Variants in ERVK3-1 observed in about 807,000 individuals in gnomAD.
ERVK3-1 encodes the protein endogenous retrovirus group K3 member 1, also known as HERV-K(HML6-1).
chr19:58,309,827 C>T (rs2051545573), intron 2 of ERVK3-1: 1 of 152,200 alleles, frequency 6.6e-6, no homozygotes, highest in Non-Finnish European at 1.5e-5. Context: ...AAAATGCTTA[C>T]AGGATATGAT....
chr19:58,308,230 A>G (rs1015519706), intron 2 of ERVK3-1, among the ~76,000 whole-genome samples: 11 of 152,240 alleles, frequency 7.2e-5, no homozygotes, highest in Non-Finnish European at 1.5e-4. Context: ...TACCTATCCC[A>G]ACCCATAGCT....
rs929100294 is a variant in ERVK3-1, at chr19:58,310,239, A to T, written c.-3-1927A>T. The T allele has an allele frequency of 2.6e-5, 4 of 152,316 alleles. No individual in the cohort carries two copies. The highest frequency in any genetic ancestry group is 2.9e-5 in the Non-Finnish European group (2 of 68,134). 9.4% of individuals were successfully genotyped at this position (152,316 alleles called of 1,614,324 possible). On this transcript the variant is annotated intron_variant, in intron 2 of 3. Coordinates refer to ENST00000413518, the Ensembl canonical transcript of ERVK3-1. This position sits in a 1 kb window ranked among gnomAD's most constrained non-coding sequence, Gnocchi z 4.7. Reference sequence around the variant, plus strand: ...TCGTAAATGTAGCTAGTTGCATTAAAACTGCCACTATCAAGAGTGTACGGA... The same window carrying T: ...TCGTAAATGTAGCTAGTTGCATTAATACTGCCACTATCAAGAGTGTACGGA...
Position 58,312,046 on chromosome 19 carries a change from T to C in ERVK3-1, c.-3-120T>C. ...ACCCCAGCAGAACGACACTGGCAAC[T>C]GCTAGAGGAAAAGAGGCAAGTTTAT... On this transcript the variant is annotated intron_variant, in intron 2 of 3. Coordinates refer to ENST00000413518, the Ensembl canonical transcript of ERVK3-1. The surrounding 1 kb of genome is among the most constrained non-coding windows in gnomAD (Gnocchi z 4.7). 2.5e-6 allele frequency: 1 copy of C among 397,660 alleles called. No homozygotes were observed. The highest frequency in any genetic ancestry group is 2.1e-5 in the African/African-American group (1 of 48,728). 24.6% of individuals were successfully genotyped at this position (397,660 alleles called of 1,614,324 possible). A position where few individuals can be genotyped will look rare whatever the true frequency, so the allele number is the denominator to read the frequency against.
At chr19:58,314,017 T>G (rs1036002011) in intron 3 of ERVK3-1, among the ~76,000 whole-genome samples, 1 of 152,172 alleles carries the variant, frequency 6.6e-6, no homozygotes. Context: ...AAAATAAAAT[T>G]AATACCGAAT....
chr19:58,308,959 G>C (rs2051540628), intron 2 of ERVK3-1: 1 of 152,194 alleles, frequency 6.6e-6, no homozygotes, highest in South Asian at 2.1e-4. Flanking sequence ...TTACAGCAAG[G>C]TCTGCCATCC....
rs564789798 is a variant in ERVK3-1 at position 58,313,538 on chromosome 19, G to A, written c.294+1076G>A. ...GAATTCCTGACCTCGTGATCCACCC[G>A]CCTTGGCTTCCCAAAGTGCTGGGAT... On this transcript the variant is annotated intron_variant, in intron 3 of 3. Transcript: ENST00000413518. This position sits in a 1 kb window ranked among gnomAD's most constrained non-coding sequence, Gnocchi z 4.5. Among the ~76,000 whole-genome samples the A allele has an allele frequency of 1.3e-5, 2 of 152,110 alleles. No homozygotes were observed. The highest frequency in any genetic ancestry group is 4.1e-4 in the South Asian group (2 of 4,828).
At chr19:58,316,151 C>T (rs2051591353), downstream of ERVK3-1, among the ~76,000 whole-genome samples, 1 of 152,128 alleles carries the variant, frequency 6.6e-6, no homozygotes, top group African/African-American at 2.4e-5. Flanking sequence ...AGATATCCCT[C>T]TAAAACACAC....
rs539915714 is a variant in ERVK3-1, at chr19:58,310,725, G to C, written c.-3-1441G>C. Reference sequence around the variant, plus strand: ...CTGAAGCACAGAATCACAGGGAGACGGTTAGGCCTCCGGATAACTGTGGGC... The same window carrying C: ...CTGAAGCACAGAATCACAGGGAGACCGTTAGGCCTCCGGATAACTGTGGGC... On this transcript the variant is annotated intron_variant, in intron 2 of 3. Transcript: ENST00000413518. This position sits in a 1 kb window ranked among gnomAD's most constrained non-coding sequence, Gnocchi z 4.7. The C allele has an allele frequency of 1.4e-5, 3 of 212,664 alleles. No individual in the cohort carries two copies. Among genetic ancestry groups the C allele is most frequent in the East Asian group, 2.6e-4 (2 of 7,550 alleles). The allele number at this position is 212,664 out of a possible 1,614,324, so 13.2% of individuals were successfully genotyped here. A position where few individuals can be genotyped will look rare whatever the true frequency, so the allele number is the denominator to read the frequency against.
At position 58,312,602 on chromosome 19, in the gene ERVK3-1, C is replaced by T. The variant is rs1322340137; in HGVS notation, c.294+140C>T. ...GCGTGGGCACCAGGACCCCTAACTC[C>T]GTCTGACACAGAGCAATAGCATCAA... On this transcript the variant is annotated intron_variant, in intron 3 of 3. Coordinates refer to ENST00000413518, the Ensembl canonical transcript of ERVK3-1. The surrounding 1 kb of genome is among the most constrained non-coding windows in gnomAD (Gnocchi z 4.7). The T allele has an allele frequency of 5.0e-6, 2 of 398,044 alleles. No homozygotes were observed. The highest frequency in any genetic ancestry group is 2.1e-5 in the African/African-American group (1 of 48,594). The allele number at this position is 398,044 out of a possible 1,614,324, so 24.7% of individuals were successfully genotyped here.
chr19:58,314,078 C>T (rs556083722), intron 3 of ERVK3-1, among the ~76,000 whole-genome samples: 9 of 152,166 alleles, frequency 5.9e-5, no homozygotes, highest in Non-Finnish European at 1.3e-4. Flanking sequence ...GCTGGGAAAG[C>T]AGGTACAAAG....
chr19:58,311,906 A>G (rs1199078361), intron 2 of ERVK3-1: 3 of 285,318 alleles, frequency 1.1e-5, no homozygotes, highest in Non-Finnish European at 1.9e-5. Context: ...ATCAAACACT[A>G]CAACGCATGC....
In ERVK3-1 at chr19:58,310,051, G is replaced by C. The variant is rs187644406; in HGVS notation, c.-3-2115G>C. 1 of 152,044 alleles carries C rather than the reference G, an allele frequency of 6.6e-6. No homozygotes were observed. The highest frequency in any genetic ancestry group is 1.5e-5 in the Non-Finnish European group (1 of 68,020). 9.4% of individuals were successfully genotyped at this position (152,044 alleles called of 1,614,324 possible). On this transcript the variant is annotated intron_variant, in intron 2 of 3. Transcript: ENST00000413518. The surrounding 1 kb of genome is among the most constrained non-coding windows in gnomAD (Gnocchi z 4.7). ...TTCAGGTGGACAGACCTATTTTACC[G>C]ATGGCTCTTCCAAAAGCCACACAGC...
chr19:58,307,862 C>T (rs1014959012), intron 2 of ERVK3-1, among the ~76,000 whole-genome samples: 5 of 152,222 alleles, frequency 3.3e-5, no homozygotes, highest in African/African-American at 1.2e-4. Context: ...TCCTCTGGAA[C>T]ACCGGGGAGT....
At chr19:58,315,637 A>G (rs2051588035) in exon 4 of ERVK3-1, 1 of 152,208 alleles carries the variant, frequency 6.6e-6, no homozygotes, top group African/African-American at 2.4e-5. Context: ...TATAAATGCT[A>G]CTGCTGTGAA....
At position 58,310,190 on chromosome 19, in the gene ERVK3-1, A is replaced by C. The variant is rs1168815119; in HGVS notation, c.-3-1976A>C. The C allele has an allele frequency of 6.6e-6, 1 of 152,226 alleles. No individual in the cohort carries two copies. The highest frequency in any genetic ancestry group is 1.5e-5 in the Non-Finnish European group (1 of 68,080). 9.4% of individuals were successfully genotyped at this position (152,226 alleles called of 1,614,324 possible). A position where few individuals can be genotyped will look rare whatever the true frequency, so the allele number is the denominator to read the frequency against. ...AAGCTCACAGCTTTATTTCCTATTA[A>C]TATTGTCTGTAATTCAGCCTATGTC... On this transcript the variant is annotated intron_variant, in intron 2 of 3. Coordinates refer to ENST00000413518, the Ensembl canonical transcript of ERVK3-1. The surrounding 1 kb of genome is among the most constrained non-coding windows in gnomAD (Gnocchi z 4.7).
At chr19:58,307,574 C>A (rs1299388189) in intron 2 of ERVK3-1, among the ~76,000 whole-genome samples, 2 of 151,812 alleles carry the variant, frequency 1.3e-5, no homozygotes, top group Admixed American at 1.3e-4. Flanking sequence ...ACCATCAGAC[C>A]TCTGGGCAGA....
In ERVK3-1 at chr19:58,312,134, G is replaced by A. The variant is rs375518212; in HGVS notation, c.-3-32G>A. The A allele has an allele frequency of 4.7e-4, 187 of 400,120 alleles. No homozygotes were observed. The highest frequency in any genetic ancestry group is 3.3e-3 in the African/African-American group (163 of 48,756). The allele number at this position is 400,120 out of a possible 1,614,324, so 24.8% of individuals were successfully genotyped here. A position where few individuals can be genotyped will look rare whatever the true frequency, so the allele number is the denominator to read the frequency against. ...GGAAAGGTCCGGTGGATTTGCTGAC[G>A]TGGGGACGAGGGTATGCTTGTGTTT... On this transcript the variant is annotated intron_variant, in intron 2 of 3. Coordinates refer to ENST00000413518, the Ensembl canonical transcript of ERVK3-1. This position sits in a 1 kb window ranked among gnomAD's most constrained non-coding sequence, Gnocchi z 4.7.
At chr19:58,308,719 G>A (rs2051539366) in intron 2 of ERVK3-1, among the ~76,000 whole-genome samples, 1 of 152,154 alleles carries the variant, frequency 6.6e-6, no homozygotes, top group South Asian at 2.1e-4. Context: ...CTGCCTTGCT[G>A]CTAGAGTGGC....
Position 58,312,376 on chromosome 19 carries a change from G to A in ERVK3-1, c.208G>A (p.Glu70Lys). 2.5e-6 allele frequency: 1 copy of A among 400,244 alleles called. No individual in the cohort carries two copies. The highest frequency in any genetic ancestry group is 4.4e-6 in the Non-Finnish European group (1 of 226,108). The allele number at this position is 400,244 out of a possible 1,614,324, so 24.8% of individuals were successfully genotyped here. A position where few individuals can be genotyped will look rare whatever the true frequency, so the allele number is the denominator to read the frequency against. ...GGGACAGATCAAGAAAACGACACAA[G>A]AAGCTGAGAAACTACTGGAGCGCCA... The change falls in exon 3 of 4, where the codon GAA (glutamate) becomes AAA (lysine). Residue 70 changes from glutamate (E) to lysine (K), a missense_variant. By Grantham distance (56) the Glu-to-Lys change is moderately conservative. Coordinates refer to ENST00000413518, the Ensembl canonical transcript of ERVK3-1. This position sits in a 1 kb window ranked among gnomAD's most constrained non-coding sequence, Gnocchi z 4.7.
Sources: allele counts gnomAD v4.1 joint callset (sites outside exome capture counted in the v4.1 genomes callset), GRCh38; gene constraint gnomAD v4.1.1; non-coding constraint Gnocchi (gnomAD v3.1); transcripts MANE v1.5; gene names NCBI Gene and HGNC (gene_info 2026-07-23, HGNC 2026-07-21).